The following AGBL1 variants were observed in gnomAD, a reference collection of about 807,000 sequenced individuals.
AGBL1 encodes AGBL carboxypeptidase 1.
AGBL1 carries 130 observed loss-of-function variants against 118.9 expected under a neutral mutation model. That is an observed-to-expected ratio of 1.09 (90% CI 0.95 to 1.26). The LOEUF is 1.26. Among genes scored for constraint, AGBL1 ranks in the 50% most tolerant of loss-of-function variants. The pLI, the probability that AGBL1 is intolerant of heterozygous loss-of-function variation, is 0.00. For synonymous variants in AGBL1, 555 were observed against 478.9 expected, an observed-to-expected ratio of 1.16 and a Z score of -2.08; for missense variants, 1,584 against 1,298.1, an observed-to-expected ratio of 1.22 and a Z score of -3.38.
intron 23 of AGBL1, among the ~76,000 whole-genome samples, chr15:86,949,941 A>G (rs962780410): frequency 6.6e-6 from 1 of 152,090 alleles, no homozygotes; most frequent in Non-Finnish European, 1.5e-5. Flanking sequence ...GAATGATTGT[A>G]TGTAGAGTAC....
At chr15:86,241,518 T>A (rs1400423873) in intron 6 of AGBL1, among the ~76,000 whole-genome samples, 3 of 152,122 alleles carry the variant, frequency 2.0e-5, no homozygotes, top group Non-Finnish European at 4.4e-5. Context: ...GATAAAGAAT[T>A]TTTTTTTCTC....
At chr15:86,175,091 C>T (rs1455511396) in intron 5 of AGBL1, among the ~76,000 whole-genome samples, 2 of 151,916 alleles carry the variant, frequency 1.3e-5, no homozygotes, top group Admixed American at 6.6e-5. Context: ...GTTAGTACTT[C>T]CTTATAAGTT....
intron 17 of AGBL1, among the ~76,000 whole-genome samples, chr15:86,311,830 G>A (rs1175811741): frequency 6.6e-6 from 1 of 152,194 alleles, no homozygotes; most frequent in African/African-American, 2.4e-5. Flanking sequence ...TGCGGAAGGA[G>A]CTTGTTCCCT....
At chr15:86,855,115 A>G (rs942652799) in intron 22 of AGBL1, among the ~76,000 whole-genome samples, 1 of 152,168 alleles carries the variant, frequency 6.6e-6, no homozygotes, top group Non-Finnish European at 1.5e-5. Flanking sequence ...TTACTGCATC[A>G]TTTTTACCAG....
chr15:86,213,552 G>A (rs2078136178), intron 5 of AGBL1, among the ~76,000 whole-genome samples: 7 of 152,072 alleles, frequency 4.6e-5, no homozygotes, highest in Admixed American at 3.9e-4. Flanking sequence ...CACAGTGCAT[G>A]CTCAAGTTTG....
intron 18 of AGBL1, among the ~76,000 whole-genome samples, chr15:86,410,826 A>AC (rs1567242761): frequency 3.5e-5 from 4 of 113,144 alleles, no homozygotes; most frequent in African/African-American, 7.2e-5. Context: ...ATATATATAT[A>AC]TATATATATA....
intron 17 of AGBL1, among the ~76,000 whole-genome samples, chr15:86,360,319 C>CTTTTTTTTTTTTTTTTTTTTTTTT (rs570573457): frequency 7.4e-6 from 1 of 136,028 alleles, no homozygotes. Flanking sequence ...GGGTTTTTTC[C>CTTTTTTTTTTTTTTTTTTTTTTTT]TTTTTTTTTT....
intron 6 of AGBL1, among the ~76,000 whole-genome samples, chr15:86,226,357 GT>G (rs2078362775): frequency 6.6e-6 from 1 of 152,176 alleles, no homozygotes; most frequent in Admixed American, 6.5e-5. Flanking sequence ...AGGCCAGCCT[GT>G]GAATGTCATG....
At chr15:86,678,735 C>T (rs1244556367) in intron 22 of AGBL1, among the ~76,000 whole-genome samples, 1 of 152,074 alleles carries the variant, frequency 6.6e-6, no homozygotes, top group Non-Finnish European at 1.5e-5. Context: ...TTCACACCCA[C>T]TGTTTATCTA....
chr15:86,877,076 C>T (rs776192510), intron 22 of AGBL1, among the ~76,000 whole-genome samples: 3 of 152,156 alleles, frequency 2.0e-5, no homozygotes, highest in Non-Finnish European at 4.4e-5. Flanking sequence ...GCTCTCTTCT[C>T]AGATCCATAT....
chr15:86,870,485 A>AAAAAAAAAAAAAAAAAAAAAAAAAAAC (rs2079709712), intron 22 of AGBL1, among the ~76,000 whole-genome samples: 1 of 138,028 alleles, frequency 7.2e-6, no homozygotes, highest in Non-Finnish European at 1.6e-5. Context: ...AAAAAAAAAA[A>AAAAAAAAAAAAAAAAAAAAAAAAAAAC]AAAAAAAAAA....
At chr15:86,825,892 GATA>G (rs2079005127) in intron 22 of AGBL1, among the ~76,000 whole-genome samples, 4 of 6,244 alleles carry the variant, frequency 6.4e-4, no homozygotes, top group African/African-American at 1.3e-3. Context: ...TGGATGGATA[GATA>G]GATAGATAGA....
chr15:86,471,560 G>C (rs187770244), intron 18 of AGBL1, among the ~76,000 whole-genome samples: 2 of 148,768 alleles, frequency 1.3e-5, no homozygotes, highest in African/African-American at 5.0e-5. Flanking sequence ...CACTGGCCTC[G>C]TAAAATGAAT....
At chr15:86,649,782 G>T (rs1365411914) in intron 21 of AGBL1, among the ~76,000 whole-genome samples, 1 of 150,570 alleles carries the variant, frequency 6.6e-6, no homozygotes, top group Non-Finnish European at 1.5e-5. Context: ...TTGGTGGGGG[G>T]CTTATAATAT....
chr15:86,444,725 C>T (rs1230340892), intron 18 of AGBL1, among the ~76,000 whole-genome samples: 3 of 152,160 alleles, frequency 2.0e-5, no homozygotes, highest in African/African-American at 7.2e-5. Context: ...GCCAGCACCT[C>T]ACACCTAAAA....
intron 3 of AGBL1, among the ~76,000 whole-genome samples, chr15:86,152,100 A>G (rs1240961849): frequency 6.6e-6 from 1 of 152,244 alleles, no homozygotes; most frequent in Non-Finnish European, 1.5e-5. Flanking sequence ...TGCCCGAAGT[A>G]ATTTATAGAT....
rs1385478085 is a variant in AGBL1, at chr15:86,125,554, T to C, written c.52-16450T>C. Among the ~76,000 whole-genome samples, 4 of 152,330 alleles carry C rather than the reference T, an allele frequency of 2.6e-5. 1 individual carries two copies. The South Asian group carries it at 8.3e-4, about 32-fold the overall frequency. ...AACATCTAATAGTCTTAATAAACAATTGATTAATGGATATATAGAAGGACA... is the reference window on the plus strand; with the variant it reads ...AACATCTAATAGTCTTAATAAACAACTGATTAATGGATATATAGAAGGACA... On this transcript the variant is annotated intron_variant, in intron 1 of 22. Coordinates refer to ENST00000614907, the MANE Select transcript of AGBL1 (RefSeq NM_001386094.1).
At chr15:86,632,426 A>G (rs2084989089) in intron 21 of AGBL1, among the ~76,000 whole-genome samples, 1 of 152,050 alleles carries the variant, frequency 6.6e-6, no homozygotes, top group Admixed American at 6.6e-5. Flanking sequence ...CTGGGCAACA[A>G]GAGCGAAACT....
At chr15:86,113,837 A>T (rs1422130037) in intron 1 of AGBL1, among the ~76,000 whole-genome samples, 2 of 152,102 alleles carry the variant, frequency 1.3e-5, no homozygotes, top group Admixed American at 1.3e-4. Flanking sequence ...CCTTCCTCAA[A>T]CTTGCTAGGT....
Sources: allele counts gnomAD v4.1 joint callset (sites outside exome capture counted in the v4.1 genomes callset), GRCh38; gene constraint gnomAD v4.1.1; transcripts MANE v1.5; gene names NCBI Gene and HGNC (gene_info 2026-07-23, HGNC 2026-07-21).